Variants in TMEM248 observed in about 807,000 individuals in gnomAD.
TMEM248 encodes transmembrane protein 248.
In TMEM248, 9 loss-of-function variants were observed where a neutral mutation model predicts 30.3. That is an observed-to-expected ratio of 0.30 (90% confidence interval 0.18 to 0.52). The LOEUF is 0.52. TMEM248 is among the 20% of genes least tolerant of loss of function. The pLI is 0.97. For missense variants in TMEM248, 338 were observed against 403.3 expected (o/e 0.84, Z 1.39); for synonymous variants, 184 against 154.4 (o/e 1.19, Z -1.42).
chr7:66,945,579 C>T (rs1792077797), intron 3 of TMEM248, among the ~76,000 whole-genome samples: 1 of 152,198 alleles, frequency 6.6e-6, no homozygotes. Context: ...TACACATCTT[C>T]TATTGCTATT....
At chr7:66,937,963 T>A (rs1791848070) in intron 1 of TMEM248, among the ~76,000 whole-genome samples, 1 of 152,174 alleles carries the variant, frequency 6.6e-6, no homozygotes, top group South Asian at 2.1e-4. Flanking sequence ...TGACCTCAGG[T>A]GATCTGCCCA....
chr7:66,943,222 C>G lies in TMEM248; in HGVS notation c.159+1198C>G, dbSNP rs59500979. On this transcript the variant is annotated intron_variant, in intron 2 of 6. Transcript: ENST00000341567. ...CACATCAGGGCTGAAAATGAATATTCTACTCAAAACTAAAGCTGCACAGCC... is the reference window on the plus strand; with the variant it reads ...CACATCAGGGCTGAAAATGAATATTGTACTCAAAACTAAAGCTGCACAGCC... Among the ~76,000 whole-genome samples the G allele has an allele frequency of 1.7e-3, 254 of 152,248 alleles. 2 individuals carry two copies. The highest frequency in any genetic ancestry group is 5.9e-3 in the African/African-American group (247 of 41,558).
rs573183564 is a variant in TMEM248 at position 66,946,978 on chromosome 7, C to T, written c.446-1566C>T. Among the ~76,000 whole-genome samples the T allele has an allele frequency of 5.3e-5, 8 of 152,230 alleles. No homozygotes were observed. In the South Asian group the frequency reaches 1.7e-3, roughly 32 times the overall value. ...CCTGTAATCCCAGCACATTGAGAGG[C>T]TGAGGCAGGAAGATTGCTTGAGCTC... is the stretch of plus-strand genomic sequence containing the variant. On this transcript the variant is annotated intron_variant, in intron 3 of 6. Transcript: ENST00000341567.
rs200837017 is a variant in TMEM248, at chr7:66,943,795, C to CTT, written c.160-1168_160-1167dup. Among the ~76,000 whole-genome samples the CTT allele has an allele frequency of 1.9e-4, 28 of 144,868 alleles. 1 individual carries two copies. In the South Asian group the frequency reaches 2.2e-3, roughly 11 times the overall value. On this transcript the variant is annotated intron_variant, in intron 2 of 6. Coordinates refer to ENST00000341567, the MANE Select transcript of TMEM248 (RefSeq NM_017994.5). The stretch of plus-strand genomic sequence containing the variant: ...GGCTGGGTAGGGGTTGCTCAGATGA[C>CTT]TTTTTTTTTTTTTTGAGGTGGAGTG...
At chr7:66,953,647 CAGGCTGG>C (rs1279858650) in intron 6 of TMEM248, among the ~76,000 whole-genome samples, 2 of 152,074 alleles carry the variant, frequency 1.3e-5, no homozygotes, top group Non-Finnish European at 2.9e-5. Flanking sequence ...CTCTGTCTCC[CAGGCTGG>C]AGTGCAGTGG....
At chr7:66,946,709 G>C (rs1033750282) in intron 3 of TMEM248, among the ~76,000 whole-genome samples, 1 of 152,190 alleles carries the variant, frequency 6.6e-6, no homozygotes, top group Admixed American at 6.5e-5. Context: ...GAAATGCTAC[G>C]TAAGTGCTTG....
At chr7:66,946,082 CT>C (rs1442316134) in intron 3 of TMEM248, among the ~76,000 whole-genome samples, 11 of 139,048 alleles carry the variant, frequency 7.9e-5, no homozygotes, top group Admixed American at 4.5e-4. Flanking sequence ...GAGACTCTCT[CT>C]CCAAAAAAAA....
intron 1 of TMEM248, among the ~76,000 whole-genome samples, chr7:66,925,347 G>A (rs1385771215): frequency 6.6e-6 from 1 of 152,132 alleles, no homozygotes; most frequent in African/African-American, 2.4e-5. Flanking sequence ...ACCACACTGT[G>A]CAATATAACT....
chr7:66,927,701 C>T (rs942125234), intron 1 of TMEM248, among the ~76,000 whole-genome samples: 1 of 151,020 alleles, frequency 6.6e-6, no homozygotes, highest in Non-Finnish European at 1.5e-5. Context: ...AAGTGATCCT[C>T]TGACCTTGGC....
At chr7:66,922,618 C>T in intron 1 of TMEM248, among the ~76,000 whole-genome samples, 1 of 152,122 alleles carries the variant, frequency 6.6e-6, no homozygotes, top group East Asian at 1.9e-4. Context: ...ACCGGAGTCT[C>T]AATGCTAAAA....
chr7:66,948,681 T>C lies in TMEM248; in HGVS notation c.583T>C (p.Phe195Leu). The part of the protein sequence containing the change: ...CMTLTASPGV[F>L]PVTVQPPHCV... ...GACCCTCACGGCCAGCCCTGGGGTG[T>C]TCCCCGTCACTGTGTAAGTGTACCC... Residue 195 changes from phenylalanine (F) to leucine (L), a missense_variant, in exon 4 of 7, where the codon TTC becomes CTC. Transcript: ENST00000341567. 6.2e-7 allele frequency: 1 copy of C among 1,610,724 alleles called. No homozygotes were observed. The highest frequency in any genetic ancestry group is 8.5e-7 in the Non-Finnish European group (1 of 1,177,350).
intron 1 of TMEM248, among the ~76,000 whole-genome samples, chr7:66,932,279 C>T (rs1433386421): frequency 6.6e-6 from 1 of 152,206 alleles, no homozygotes; most frequent in Non-Finnish European, 1.5e-5. Flanking sequence ...CACACCTCTC[C>T]CTTTCACCTG....
At chr7:66,949,842 C>T (rs904470208) in intron 4 of TMEM248, among the ~76,000 whole-genome samples, 4 of 151,584 alleles carry the variant, frequency 2.6e-5, no homozygotes, top group African/African-American at 9.7e-5. Context: ...TCTCCTGTCT[C>T]TATAAAGGAG....
At chr7:66,937,297 A>G (rs1212293096) in intron 1 of TMEM248, among the ~76,000 whole-genome samples, 1 of 151,746 alleles carries the variant, frequency 6.6e-6, no homozygotes. Context: ...ATAATTTTGT[A>G]TTTTTTTTAA....
intron 6 of TMEM248, among the ~76,000 whole-genome samples, chr7:66,954,815 T>G (rs1021609322): frequency 6.6e-6 from 1 of 152,206 alleles, no homozygotes; most frequent in African/African-American, 2.4e-5. Flanking sequence ...ATTATGTTGT[T>G]GGATTTTTAA....
chr7:66,951,855 TC>T (rs1792277036), intron 5 of TMEM248, among the ~76,000 whole-genome samples: 2 of 151,610 alleles, frequency 1.3e-5, no homozygotes, highest in Admixed American at 1.3e-4. Context: ...GAGACGGGGG[TC>T]TTGCTGTGTT....
At chr7:66,931,755 G>A (rs2129221550) in intron 1 of TMEM248, among the ~76,000 whole-genome samples, 1 of 148,970 alleles carries the variant, frequency 6.7e-6, no homozygotes, top group East Asian at 2.0e-4. Context: ...TGGGATTACA[G>A]GTGTGAGTTA....
rs1354980258 is a variant in TMEM248 at position 66,945,181 on chromosome 7, C to T, written c.365C>T (p.Pro122Leu). 5.6e-6 allele frequency: 9 copies of T among 1,614,096 alleles called. No individual in the cohort carries two copies. The highest frequency in any genetic ancestry group is 7.6e-6 in the Non-Finnish European group (9 of 1,180,050). ...ISVSITLTLDPLKPFGGYSRN... is the reference protein window; with the variant it reads ...ISVSITLTLDLLKPFGGYSRN... Reference sequence around the variant, plus strand: ...GTCTCAATCACCCTAACCCTGGACCCACTGAAACCCTTCGGAGGGTATTCC... The same window carrying T: ...GTCTCAATCACCCTAACCCTGGACCTACTGAAACCCTTCGGAGGGTATTCC... Residue 122 changes from proline (P) to leucine (L), a missense_variant, in exon 3 of 7, where the codon CCA becomes CTA. By Grantham distance (98) the Pro-to-Leu change is moderately conservative. Transcript: ENST00000341567.
At position 66,945,192 on chromosome 7, in the gene TMEM248, T is replaced by G; in HGVS notation, c.376T>G (p.Phe126Val). ...ITLTLDPLKPFGGYSRNVTHL... is the reference protein window; with the variant it reads ...ITLTLDPLKPVGGYSRNVTHL... Reference sequence around the variant, plus strand: ...CCTAACCCTGGACCCACTGAAACCCTTCGGAGGGTATTCCCGCAACGTCAC... The same window carrying G: ...CCTAACCCTGGACCCACTGAAACCCGTCGGAGGGTATTCCCGCAACGTCAC... The change falls in exon 3 of 7, where the codon TTC becomes GTC. Residue 126 changes from phenylalanine to valine, a missense_variant. Phe to Val is a conservative substitution (Grantham distance 50, BLOSUM62 -1). Transcript: ENST00000341567. 2 of 1,614,098 alleles carry G rather than the reference T, an allele frequency of 1.2e-6. No homozygotes were observed. The highest frequency in any genetic ancestry group is 2.2e-5 in the South Asian group (2 of 91,086).
Sources: allele counts gnomAD v4.1 joint callset (sites outside exome capture counted in the v4.1 genomes callset), GRCh38; gene constraint gnomAD v4.1.1; transcripts MANE v1.5; gene names NCBI Gene and HGNC (gene_info 2026-07-23, HGNC 2026-07-21).